The following CCDC171 variants were observed in gnomAD, a reference collection of about 807,000 sequenced individuals.
CCDC171 encodes the protein coiled-coil domain containing 171.
A neutral mutation model predicts 168.2 loss-of-function variants in CCDC171; 177 were observed. The ratio of observed to expected loss-of-function variants is 1.05; its 90% CI spans 0.93 to 1.19. The LOEUF (loss-of-function observed/expected upper bound fraction) is 1.19. Among genes scored for constraint, CCDC171 ranks in the 50% most tolerant of loss-of-function variants. The pLI is 0.00. For missense variants in CCDC171, 1,991 were observed against 1,539.0 expected (o/e 1.29, Z -4.91); for synonymous variants, 687 against 540.8 (o/e 1.27, Z -3.75).
chr9:16,099,074 A>G, the CCDC171 span, among the ~76,000 whole-genome samples: 1 of 152,214 alleles, frequency 6.6e-6, no homozygotes, highest in Non-Finnish European at 1.5e-5. Context: ...TATCAAATCC[A>G]GTTGATTCCA....
chr9:15,697,191 C>T (rs74716608), intron 11 of CCDC171, among the ~76,000 whole-genome samples: 1 of 152,190 alleles, frequency 6.6e-6, no homozygotes, highest in Non-Finnish European at 1.5e-5. Flanking sequence ...TGCTCCACTG[C>T]ATTTTTGGCA....
At chr9:15,833,277 C>T (rs1338526114) in intron 21 of CCDC171, among the ~76,000 whole-genome samples, 1 of 152,102 alleles carries the variant, frequency 6.6e-6, no homozygotes, top group Non-Finnish European at 1.5e-5. Flanking sequence ...CAGGCATGAA[C>T]CACCACACCC....
chr9:15,559,912 T>G (rs2039137073), intron 1 of CCDC171, among the ~76,000 whole-genome samples: 1 of 152,162 alleles, frequency 6.6e-6, no homozygotes, highest in Non-Finnish European at 1.5e-5. Context: ...CAGGAGCTCT[T>G]GTAAGGCAGG....
chr9:15,655,491 T>G (rs576181542), intron 7 of CCDC171, among the ~76,000 whole-genome samples: 230 of 152,302 alleles, frequency 1.5e-3, no homozygotes, highest in Non-Finnish European at 1.8e-3. Context: ...AAAATTGTAT[T>G]CAAAAATAAA....
chr9:15,618,038 T>G (rs2044222593), intron 6 of CCDC171, among the ~76,000 whole-genome samples: 1 of 152,202 alleles, frequency 6.6e-6, no homozygotes, highest in South Asian at 2.1e-4. Context: ...TGCGCTGTGC[T>G]GGGAGAATCC....
At chr9:15,730,629 A>G (rs1261068765) in intron 16 of CCDC171, among the ~76,000 whole-genome samples, 1 of 151,830 alleles carries the variant, frequency 6.6e-6, no homozygotes, top group Non-Finnish European at 1.5e-5. Context: ...TAACCAAACT[A>G]TATAAATATA....
chr9:15,590,916 T>A (rs573177274), intron 4 of CCDC171, among the ~76,000 whole-genome samples: 17 of 151,648 alleles, frequency 1.1e-4, no homozygotes, highest in African/African-American at 4.1e-4. Flanking sequence ...GGTCTCCCTA[T>A]GTTGTTCAGG....
rs1233925977 is a variant in CCDC171 at position 15,584,354 on chromosome 9, AATTT to A, written c.352+5337_352+5340del. On this transcript the variant is annotated intron_variant, in intron 4 of 25. Transcript: ENST00000380701. ...AGGTTAACAAGAGAAAACCATAACA[AATTT>A]ATTTAACAAAGTTTTAGATGACATG... 2.0e-5 allele frequency among the ~76,000 whole-genome samples: 3 copies of A among 152,340 alleles called. No individual in the cohort carries two copies. The East Asian group carries it at 5.8e-4, about 29-fold the overall frequency.
chr9:15,663,895 C>A (rs1026210453), intron 8 of CCDC171, among the ~76,000 whole-genome samples: 1 of 152,094 alleles, frequency 6.6e-6, no homozygotes, highest in Non-Finnish European at 1.5e-5. Flanking sequence ...CGTGAGCCAC[C>A]GCGCCCGGCT....
intron 21 of CCDC171, among the ~76,000 whole-genome samples, chr9:15,829,608 T>G (rs918723432): frequency 6.6e-5 from 10 of 152,272 alleles, no homozygotes; most frequent in African/African-American, 1.9e-4. Flanking sequence ...TGCAAGAGAT[T>G]CATATTATAT....
intron 24 of CCDC171, among the ~76,000 whole-genome samples, chr9:15,903,046 G>A (rs901261314): frequency 3.3e-5 from 5 of 152,172 alleles, no homozygotes; most frequent in Non-Finnish European, 5.9e-5. Context: ...GCTCGAACTG[G>A]GTGGAGCCCA....
At chr9:15,701,155 G>C (rs2051700910) in intron 11 of CCDC171, among the ~76,000 whole-genome samples, 1 of 152,120 alleles carries the variant, frequency 6.6e-6, no homozygotes, top group Non-Finnish European at 1.5e-5. Flanking sequence ...CTTGTTTGAT[G>C]AATAGTTTGT....
At chr9:15,823,422 A>G (rs1466794483) in intron 21 of CCDC171, among the ~76,000 whole-genome samples, 2 of 152,168 alleles carry the variant, frequency 1.3e-5, no homozygotes, top group African/African-American at 4.8e-5. Context: ...TTCTCTTCAT[A>G]TACTTTACAT....
intron 1 of CCDC171, among the ~76,000 whole-genome samples, chr9:15,562,578 C>A (rs565025032): frequency 1.3e-4 from 20 of 152,120 alleles, no homozygotes; most frequent in Admixed American, 8.5e-4. Context: ...AGTTTCGTAA[C>A]CTCTACTTGC....
At chr9:15,876,384 T>C (rs796353493) in intron 24 of CCDC171, among the ~76,000 whole-genome samples, 76 of 152,236 alleles carry the variant, frequency 5.0e-4, no homozygotes, top group African/African-American at 1.6e-3. Flanking sequence ...GCTCTTTGAA[T>C]ATATCATCTT....
At chr9:16,041,180 G>A (rs1294573703), upstream of CCDC171, among the ~76,000 whole-genome samples, 1 of 152,198 alleles carries the variant, frequency 6.6e-6, no homozygotes, top group Non-Finnish European at 1.5e-5. Flanking sequence ...TTTGCCACAG[G>A]GGCTCAGAGG....
intron 1 of CCDC171, among the ~76,000 whole-genome samples, chr9:16,052,054 G>A (rs1833758682): frequency 6.6e-6 from 1 of 152,140 alleles, no homozygotes; most frequent in Non-Finnish European, 1.5e-5. Flanking sequence ...CTCCCACCAA[G>A]TCCCTTCCAC....
intron 21 of CCDC171, among the ~76,000 whole-genome samples, chr9:15,791,890 A>G (rs937834769): frequency 1.1e-4 from 17 of 152,202 alleles, no homozygotes; most frequent in Non-Finnish European, 2.1e-4. Flanking sequence ...AGAGCAGAAA[A>G]GCTGAAAATT....
intron 24 of CCDC171, among the ~76,000 whole-genome samples, chr9:15,912,290 A>G (rs1823785600): frequency 6.6e-6 from 1 of 151,994 alleles, no homozygotes; most frequent in African/African-American, 2.4e-5. Flanking sequence ...ATTCTTAGGT[A>G]TTTTATTCTC....
Sources: allele counts gnomAD v4.1 joint callset (sites outside exome capture counted in the v4.1 genomes callset), GRCh38; gene constraint gnomAD v4.1.1; transcripts MANE v1.5; gene names NCBI Gene and HGNC (gene_info 2026-07-23, HGNC 2026-07-21).